EPB42: variants seen among roughly 807,000 people sequenced by gnomAD.
The protein encoded by EPB42 is erythrocyte membrane protein band 4.2.
EPB42 carries 49 observed loss-of-function variants against 76.9 expected under a neutral mutation model. That is an observed-to-expected ratio of 0.64 (90% CI 0.51 to 0.81). The LOEUF is 0.81. Ranked by LOEUF, EPB42 falls within the 30% of genes least tolerant of loss-of-function variation. The pLI is 0.00. For missense variants in EPB42, 731 were observed against 867.6 expected (o/e 0.84, Z 1.98); for synonymous variants, 310 against 338.4 (o/e 0.92, Z 0.92).
At chr15:43,224,777 T>C (rs978095334), upstream of EPB42, among the ~76,000 whole-genome samples, 1 of 152,200 alleles carries the variant, frequency 6.6e-6, no homozygotes, top group African/African-American at 2.4e-5. Context: ...TTGATTTGTA[T>C]GTTTGTTTAT....
intron 1 of EPB42, among the ~76,000 whole-genome samples, chr15:43,218,636 T>A (rs1413442206): frequency 1.3e-5 from 2 of 152,248 alleles, no homozygotes; most frequent in Admixed American, 1.3e-4. Context: ...AGCCAATCAG[T>A]GTTTGCTCCG....
intron 4 of EPB42, among the ~76,000 whole-genome samples, chr15:43,210,896 T>C (rs1234257037): frequency 1.3e-5 from 2 of 152,192 alleles, no homozygotes; most frequent in African/African-American, 2.4e-5. Flanking sequence ...CACAGCAGCA[T>C]GGCCAGGGCT....
At chr15:43,210,222 G>A in intron 5 of EPB42, 113 bp downstream of exon 5, 3 of 912,446 alleles carry the variant, frequency 3.3e-6, no homozygotes, top group Admixed American at 3.4e-5. Context: ...CACCCTGGGA[G>A]GAGGGGGCCA....
rs1438056576 is a variant in EPB42, at chr15:43,216,603, C to T, written c.11-150G>A. The stretch of plus-strand genomic sequence containing the variant: ...AATCCCAGGCAAGTAACTTAACCAC[C>T]CTGAGCCTCAGTTTCCTTTTCCTTA... On this transcript the variant is annotated intron_variant, in intron 1 of 12. Transcript: ENST00000441366. 3.9e-6 allele frequency: 3 copies of T among 773,644 alleles called. No homozygotes were observed. The Admixed American group carries it at 6.8e-5, about 17-fold the overall frequency. The allele number at this position is 773,644 out of a possible 1,614,324, so 47.9% of individuals were successfully genotyped here.
rs1306496505 is a variant in EPB42 at position 43,208,637 on chromosome 15, C to A, written c.971G>T (p.Trp324Leu). The A allele has an allele frequency of 6.2e-7, 1 of 1,614,008 alleles. No individual in the cohort carries two copies. Among genetic ancestry groups the A allele is most frequent in the Non-Finnish European group, 8.5e-7 (1 of 1,179,998 alleles). The change falls in exon 7 of 13, where the codon TGG becomes TTG. Residue 324 changes from tryptophan (W) to leucine (L), a missense_variant and splice_region_variant. Transcript: ENST00000441366. ...ACCTCATCTCCCTTGGGCTTCTCAC[C>A]AGATTCTGCCTCTCTGGCCTTCTCC... ...QNGEGQRGRI[W>L]IFQTSTECWM...
At position 43,208,732 on chromosome 15, in the gene EPB42, A is replaced by G. The variant is rs759465774; in HGVS notation, c.876T>C (p.Phe292=). 4.8e-5 allele frequency: 77 copies of G among 1,614,172 alleles called. No individual in the cohort carries two copies. In the South Asian group the frequency reaches 7.7e-4, roughly 16 times the overall value. The stretch of plus-strand genomic sequence containing the variant: ...GCCCACCGGTGCCCTGTGCTGAGGC[A>G]AACGTGGTCACCACGCGGGCAGGGA... ...LGIPARVVTT[F]ASAQGTGGRL... Residue 292 remains phenylalanine (F), a synonymous_variant, in exon 7 of 13, where the codon TTT becomes TTC. Transcript: ENST00000441366.
In EPB42 at chr15:43,203,095, A is replaced by G; in HGVS notation, c.1779+20T>C. On this transcript the variant is annotated intron_variant, in intron 11 of 12. Transcript: ENST00000441366. The stretch of plus-strand genomic sequence containing the variant: ...GAGTGGTGGCAGACGAGGGCAACTC[A>G]GGGGAGGACTGGTGCCTACCTTGAT... 6.2e-7 allele frequency: 1 copy of G among 1,613,896 alleles called. No homozygotes were observed. The highest frequency in any genetic ancestry group is 1.3e-5 in the African/African-American group (1 of 75,032).
chr15:43,198,138 G>A lies in EPB42; in HGVS notation c.1914-674C>T, dbSNP rs146270342. Among the ~76,000 whole-genome samples, 1,153 of 152,318 alleles carry A rather than the reference G, an allele frequency of 7.6e-3. 10 individuals carry two copies. Among genetic ancestry groups the A allele is most frequent in the African/African-American group, 0.026 (1,093 of 41,560 alleles). On this transcript the variant is annotated intron_variant, in intron 12 of 12. Coordinates refer to ENST00000441366, the MANE Select transcript of EPB42 (RefSeq NM_001114134.2). ...CAAACAATACAGTAAATTGGTATGA[G>A]TAGAGTGGGGCATGGCTGAAAAGAT...
intron 4 of EPB42, 48 bp from the exon 5 acceptor site, chr15:43,210,487 C>G (rs2042278229): frequency 6.4e-7 from 1 of 1,565,146 alleles, no homozygotes; most frequent in African/African-American, 1.4e-5. Flanking sequence ...CACACAGGGC[C>G]ATGAGGAAGG....
intron 3 of EPB42, among the ~76,000 whole-genome samples, chr15:43,212,066 C>T (rs2042306723): frequency 6.6e-6 from 1 of 151,410 alleles, no homozygotes; most frequent in Admixed American, 6.6e-5. Flanking sequence ...GAGACTTTCT[C>T]TTAAAAAAAA....
At chr15:43,222,452 G>C (rs1359704242), upstream of EPB42, among the ~76,000 whole-genome samples, 1 of 152,178 alleles carries the variant, frequency 6.6e-6, no homozygotes. Flanking sequence ...CACCAAATAA[G>C]ACTTGAGCAG....
At chr15:43,210,823 C>G (rs2042284247) in intron 4 of EPB42, among the ~76,000 whole-genome samples, 1 of 152,204 alleles carries the variant, frequency 6.6e-6, no homozygotes, top group African/African-American at 2.4e-5. Context: ...AGCTCCTGTT[C>G]CTGAGGAGCC....
At position 43,207,253 on chromosome 15, in the gene EPB42, C is replaced by T. The variant is rs1429494950; in HGVS notation, c.1264G>A (p.Gly422Ser). 6.8e-6 allele frequency: 11 copies of T among 1,614,088 alleles called. No individual in the cohort carries two copies. The highest frequency in any genetic ancestry group is 8.5e-6 in the Non-Finnish European group (10 of 1,179,982). Residue 422 changes from glycine (G) to serine (S), a missense_variant, in exon 9 of 13, where the codon GGT (glycine) becomes AGT (serine). Transcript: ENST00000441366. ...TCCTCGCAGCGGTCACTGCCCACAC[C>T]CTTGGTGCTGATGTTGTTGCCAACA... is the stretch of plus-strand genomic sequence containing the variant. ...KYVGNNISTK[G>S]VGSDRCEDIT...
chr15:43,207,790 G>T (rs1188268347), intron 8 of EPB42, among the ~76,000 whole-genome samples: 1 of 152,200 alleles, frequency 6.6e-6, no homozygotes, highest in African/African-American at 2.4e-5. Flanking sequence ...CTAGGTGCCA[G>T]GCTCTGTGCC....
At position 43,206,300 on chromosome 15, in the gene EPB42, G is replaced by T. The variant is rs1317381255; in HGVS notation, c.1618+30C>A. ...GGGGCCATGTGTGTGTGTGTGTCGGGGGGTGTCTGGTGGGGCCATAGAGCA... is the reference window on the plus strand; with the variant it reads ...GGGGCCATGTGTGTGTGTGTGTCGGTGGGTGTCTGGTGGGGCCATAGAGCA... On this transcript the variant is annotated intron_variant, in intron 10 of 12. Coordinates refer to ENST00000441366, the MANE Select transcript of EPB42 (RefSeq NM_001114134.2). This position sits in a 1 kb window ranked among gnomAD's most constrained non-coding sequence, Gnocchi z 4.7. 6.3e-7 allele frequency: 1 copy of T among 1,586,076 alleles called. No homozygotes were observed. Among genetic ancestry groups the T allele is most frequent in the Non-Finnish European group, 8.6e-7 (1 of 1,162,134 alleles).
chr15:43,201,712 A>T (rs905287069), intron 12 of EPB42, 132 bp downstream of exon 12: 14 of 1,347,114 alleles, frequency 1.0e-5, no homozygotes, highest in Non-Finnish European at 1.5e-5. Context: ...TGGTAGCCCT[A>T]ATCCTTTAGT....
intron 12 of EPB42, 73 bp from the exon 13 acceptor site, chr15:43,197,537 C>T (rs2042061097): frequency 1.9e-6 from 3 of 1,570,318 alleles, no homozygotes; most frequent in Non-Finnish European, 2.6e-6. Flanking sequence ...TGACTTTGAT[C>T]CTTCCTTGCT....
rs374528475 is a variant in EPB42, at chr15:43,220,857, C to G, written c.-32G>C. 2 of 1,593,886 alleles carry G rather than the reference C, an allele frequency of 1.3e-6. No individual in the cohort carries two copies. The highest frequency in any genetic ancestry group is 1.1e-5 in the South Asian group (1 of 90,838). On this transcript the variant is annotated 5_prime_UTR_variant, in exon 1 of 13. Coordinates refer to ENST00000441366, the MANE Select transcript of EPB42 (RefSeq NM_001114134.2). ...AGGCCGCTCCTCTTATCCACTTGGC[C>G]GCAGAAAGCGCCTCTCTCAAACTGT... is the stretch of plus-strand genomic sequence containing the variant.
intron 8 of EPB42, 30 bp from the exon 9 acceptor site, chr15:43,207,471 G>C: frequency 6.2e-7 from 1 of 1,611,152 alleles, no homozygotes; most frequent in Admixed American, 1.7e-5. Flanking sequence ...GTGAGCATGG[G>C]AGCTGCGCCT....
Sources: gnomAD v4.1 joint callset for allele counts (sites outside exome capture counted in the v4.1 genomes callset) on GRCh38, gnomAD v4.1.1 for gene constraint, Gnocchi (gnomAD v3.1) non-coding constraint, MANE v1.5 for transcripts, NCBI Gene and HGNC (gene_info 2026-07-23, HGNC 2026-07-21) for gene names.